Variants in SLC8A1 observed in about 807,000 individuals in gnomAD.
SLC8A1 encodes solute carrier family 8 member A1.
SLC8A1 carries 18 observed loss-of-function variants against 68.3 expected under a neutral mutation model. That is an observed-to-expected ratio of 0.26 (90% confidence interval 0.18 to 0.39). SLC8A1 has a LOEUF of 0.39. Ranked by LOEUF, SLC8A1 falls within the 10% of genes least tolerant of loss-of-function variation. The probability of loss-of-function intolerance (pLI) is 1.00; values close to 1 mark genes in which losing one functional copy is unlikely to be tolerated. For synonymous variants in SLC8A1, 475 were observed against 415.5 expected (o/e 1.14, Z -1.74); for missense variants, 985 against 1,156.7 (o/e 0.85, Z 2.15).
intron 2 of SLC8A1, among the ~76,000 whole-genome samples, chr2:40,391,142 AATAT>A (rs56902340): frequency 6.7e-6 from 1 of 148,852 alleles, no homozygotes; most frequent in Admixed American, 6.7e-5. Flanking sequence ...TTCTCCTTAA[AATAT>A]ATATATATAT....
exon 2 of SLC8A1, chr2:40,429,381 A>C (rs776541706): frequency 1.2e-6 from 2 of 1,613,886 alleles, no homozygotes; most frequent in Non-Finnish European, 1.7e-6. Flanking sequence ...AGAAATTTTC[A>C]ACATGAGAAT....
At chr2:40,209,008 C>A (rs763994862) in intron 2 of SLC8A1, 38 of 151,988 alleles carry the variant, frequency 2.5e-4, no homozygotes, top group Admixed American at 3.9e-4. Flanking sequence ...ATGCCAGACA[C>A]TGTTCTGAGA....
chr2:40,450,694 G>A (rs142097547), intron 1 of SLC8A1, among the ~76,000 whole-genome samples: 74 of 152,236 alleles, frequency 4.9e-4, no homozygotes, highest in African/African-American at 1.6e-3. Flanking sequence ...GCAGGACAAA[G>A]TTTGTATTGT....
chr2:40,110,036 AC>A (rs2034463530), exon 8 of SLC8A1: 1 of 152,190 alleles, frequency 6.6e-6, no homozygotes, highest in African/African-American at 2.4e-5. Flanking sequence ...AGAACCTTTG[AC>A]AAAACTGAAA....
At chr2:40,172,428 A>G (rs1484607822) in intron 4 of SLC8A1, among the ~76,000 whole-genome samples, 1 of 152,168 alleles carries the variant, frequency 6.6e-6, no homozygotes, top group Non-Finnish European at 1.5e-5. Context: ...AGCCATAGGA[A>G]GAACTTAATG....
rs3059526 is a variant in SLC8A1 at position 40,325,777 on chromosome 2, CAAAA to C, written c.1808+102692_1808+102695del. 1.1e-3 allele frequency among the ~76,000 whole-genome samples: 49 copies of C among 45,008 alleles called. No homozygotes were observed. In the South Asian group the frequency reaches 0.016, roughly 15 times the overall value. The allele number at this position is 45,008 out of a possible 152,430, so 29.5% of individuals were successfully genotyped here. A position where few individuals can be genotyped will look rare whatever the true frequency, so the allele number is the denominator to read the frequency against. On this transcript the variant is annotated intron_variant, in intron 2 of 7. Transcript: ENST00000406785. ...TGAAACCCTGTCTCTACTAAAAATA[CAAAA>C]AAAAAAAAAAAAAAAAAAAAAAAGT...
At chr2:40,473,400 C>G (rs12989028) in intron 1 of SLC8A1, among the ~76,000 whole-genome samples, 89,276 of 151,924 alleles carry the variant, frequency 0.59, 26,367 homozygotes, top group South Asian at 0.72. Context: ...ACATCTCCTC[C>G]TCTCCATCTC....
chr2:40,447,961 G>T (rs1260328139), intron 1 of SLC8A1, among the ~76,000 whole-genome samples: 2 of 152,074 alleles, frequency 1.3e-5, no homozygotes, highest in Admixed American at 1.3e-4. Flanking sequence ...TTAAACTTTT[G>T]TCTTGTTACT....
intron 1 of SLC8A1, among the ~76,000 whole-genome samples, chr2:40,465,944 A>G (rs558782993): frequency 6.6e-6 from 1 of 152,082 alleles, no homozygotes; most frequent in African/African-American, 2.4e-5. Context: ...CCCTTCTGCC[A>G]TGTGAGGACA....
chr2:40,338,163 T>G (rs1666584205), intron 2 of SLC8A1, among the ~76,000 whole-genome samples: 1 of 152,074 alleles, frequency 6.6e-6, no homozygotes, highest in Non-Finnish European at 1.5e-5. Flanking sequence ...ATTCAGCCAG[T>G]AGATAATCGT....
chr2:40,231,608 C>T (rs1174957902), intron 2 of SLC8A1, among the ~76,000 whole-genome samples: 1 of 152,114 alleles, frequency 6.6e-6, no homozygotes, highest in Non-Finnish European at 1.5e-5. Context: ...CTTTGTCTTA[C>T]AATTAATTCT....
At chr2:40,417,674 G>A (rs1229883847) in intron 2 of SLC8A1, among the ~76,000 whole-genome samples, 1 of 152,076 alleles carries the variant, frequency 6.6e-6, no homozygotes, top group Admixed American at 6.6e-5. Context: ...GGGATAAAAT[G>A]AGGATTTAAA....
intron 2 of SLC8A1, among the ~76,000 whole-genome samples, chr2:40,409,377 G>C (rs12996425): frequency 6.6e-6 from 1 of 152,052 alleles, no homozygotes; most frequent in Non-Finnish European, 1.5e-5. Context: ...ATGGCCAAAA[G>C]ATAATGGATT....
intron 2 of SLC8A1, among the ~76,000 whole-genome samples, chr2:40,388,646 A>T (rs1398942393): frequency 6.6e-6 from 1 of 152,152 alleles, no homozygotes; most frequent in Non-Finnish European, 1.5e-5. Flanking sequence ...ATTTTGTTGG[A>T]AATTTTCTGT....
chr2:40,317,768 A>C (rs1040087395), intron 2 of SLC8A1, among the ~76,000 whole-genome samples: 1 of 152,120 alleles, frequency 6.6e-6, no homozygotes, highest in African/African-American at 2.4e-5. Flanking sequence ...TTCTTATCTG[A>C]AAATTATGGC....
chr2:40,327,852 T>G (rs781490271), intron 2 of SLC8A1, among the ~76,000 whole-genome samples: 19 of 151,950 alleles, frequency 1.3e-4, no homozygotes, highest in Non-Finnish European at 2.5e-4. Context: ...CTTAGCATCA[T>G]GCAATATACC....
intron 2 of SLC8A1, among the ~76,000 whole-genome samples, chr2:40,206,932 C>T (rs1023950505): frequency 6.6e-6 from 1 of 151,956 alleles, no homozygotes; most frequent in Non-Finnish European, 1.5e-5. Flanking sequence ...GTGGAAAAAA[C>T]AGGCATTAAT....
chr2:40,234,694 G>T (rs2060133978), intron 2 of SLC8A1, among the ~76,000 whole-genome samples: 2 of 152,150 alleles, frequency 1.3e-5, no homozygotes, highest in African/African-American at 4.8e-5. Flanking sequence ...CAAAGGGAAT[G>T]CTTCCAGTTT....
chr2:40,330,125 G>T (rs563959516), intron 2 of SLC8A1, among the ~76,000 whole-genome samples: 2 of 152,138 alleles, frequency 1.3e-5, no homozygotes, highest in African/African-American at 2.4e-5. Context: ...TTTTTGAATG[G>T]ACTATCCTAC....
Sources: allele counts gnomAD v4.1 joint callset (sites outside exome capture counted in the v4.1 genomes callset), GRCh38; gene constraint gnomAD v4.1.1; transcripts MANE v1.5; gene names NCBI Gene and HGNC (gene_info 2026-07-23, HGNC 2026-07-21).